ELOVL6: variants seen among roughly 807,000 people sequenced by gnomAD.
The protein encoded by ELOVL6 is ELOVL fatty acid elongase 6.
ELOVL6 carries 8 observed loss-of-function variants against 31.7 expected under a neutral mutation model. The observed-to-expected ratio is 0.25, with a 90% CI of 0.15 to 0.45. ELOVL6 has a LOEUF of 0.45. Ranked by LOEUF, ELOVL6 falls within the 20% of genes least tolerant of loss-of-function variation. The pLI, the probability that ELOVL6 is intolerant of heterozygous loss-of-function variation, is 1.00. For synonymous variants in ELOVL6, 101 were observed against 117.7 expected (o/e 0.86, Z 0.92); for missense variants, 126 against 326.4 (o/e 0.39, Z 4.73).
intron 1 of ELOVL6, among the ~76,000 whole-genome samples, chr4:110,154,941 A>G (rs1758373714): frequency 6.6e-6 from 1 of 152,200 alleles, no homozygotes; most frequent in Admixed American, 6.5e-5. Context: ...TACTTTTTTG[A>G]CAGTTATCAA....
chr4:110,067,777 T>C (rs1217440282), intron 2 of ELOVL6, among the ~76,000 whole-genome samples: 1 of 152,254 alleles, frequency 6.6e-6, no homozygotes, highest in East Asian at 1.9e-4. Context: ...GTTATGCGTC[T>C]ATGTGATTAT....
At chr4:110,180,395 T>C (rs546721489) in intron 1 of ELOVL6, among the ~76,000 whole-genome samples, 24 of 152,154 alleles carry the variant, frequency 1.6e-4, no homozygotes, top group South Asian at 6.2e-4. Context: ...TGTATGTATT[T>C]ATAGGAACAG....
At chr4:110,119,769 T>C (rs776962113) in intron 1 of ELOVL6, among the ~76,000 whole-genome samples, 9 of 152,132 alleles carry the variant, frequency 5.9e-5, no homozygotes, top group Non-Finnish European at 1.2e-4. Context: ...TCAAGATCCC[T>C]CAGAAAACAA....
intron 1 of ELOVL6, among the ~76,000 whole-genome samples, chr4:110,164,796 G>T (rs1758725406): frequency 1.3e-5 from 2 of 150,706 alleles, no homozygotes; most frequent in Admixed American, 6.6e-5. Flanking sequence ...CAGGTGGGTT[G>T]GTAGGCTGCT....
intron 1 of ELOVL6, among the ~76,000 whole-genome samples, chr4:110,189,765 G>C (rs957046814): frequency 2.0e-5 from 3 of 151,812 alleles, no homozygotes; most frequent in Non-Finnish European, 2.9e-5. Flanking sequence ...TCAGGAGATC[G>C]AGACCATCCT....
At chr4:110,175,346 C>T (rs1759071689) in intron 1 of ELOVL6, among the ~76,000 whole-genome samples, 1 of 151,910 alleles carries the variant, frequency 6.6e-6, no homozygotes, top group Admixed American at 6.6e-5. Context: ...TGCGCTACTG[C>T]ACTCCAGCCT....
upstream of ELOVL6, chr4:110,199,072 G>A (rs1267673893): frequency 1.4e-4 from 6 of 42,212 alleles, no homozygotes; most frequent in Non-Finnish European, 2.8e-4. Flanking sequence ...ACCCCCACCC[G>A]GGAGCTCTGG....
At chr4:110,154,877 G>A (rs1758370999) in intron 1 of ELOVL6, among the ~76,000 whole-genome samples, 2 of 152,206 alleles carry the variant, frequency 1.3e-5, no homozygotes, top group South Asian at 4.1e-4. Context: ...GGTCAAAAAT[G>A]TGCTAGAGGT....
At chr4:110,105,349 G>T in intron 2 of ELOVL6, 148 bp downstream of exon 2, 1 of 804,858 alleles carries the variant, frequency 1.2e-6, no homozygotes, top group Non-Finnish European at 1.9e-6. Flanking sequence ...GGCAGTGAAG[G>T]CTTTCTTTCT....
chr4:110,077,186 C>A (rs1426039513), intron 2 of ELOVL6, among the ~76,000 whole-genome samples: 1 of 152,216 alleles, frequency 6.6e-6, no homozygotes, highest in Non-Finnish European at 1.5e-5. Context: ...AAACAAAAGG[C>A]AGCAGAATCC....
chr4:110,078,593 T>A (rs889168065), intron 2 of ELOVL6, among the ~76,000 whole-genome samples: 6 of 152,156 alleles, frequency 3.9e-5, no homozygotes, highest in African/African-American at 1.4e-4. Flanking sequence ...AAGGAAGCAC[T>A]AAACATGGAA....
At chr4:110,090,486 G>A (rs1420499848) in intron 2 of ELOVL6, among the ~76,000 whole-genome samples, 2 of 151,958 alleles carry the variant, frequency 1.3e-5, no homozygotes, top group Non-Finnish European at 2.9e-5. Flanking sequence ...CTTGAGATGT[G>A]ACTCACACTT....
At chr4:110,108,570 T>C (rs539751205) in intron 1 of ELOVL6, among the ~76,000 whole-genome samples, 7 of 152,294 alleles carry the variant, frequency 4.6e-5, no homozygotes, top group South Asian at 4.1e-4. Flanking sequence ...AACTTGATAA[T>C]TGCAAGCAAG....
At chr4:110,170,363 C>A (rs567004077) in intron 1 of ELOVL6, among the ~76,000 whole-genome samples, 126 of 152,304 alleles carry the variant, frequency 8.3e-4, no homozygotes, top group African/African-American at 2.9e-3. Flanking sequence ...ACAGCTGATC[C>A]TCATTACTAA....
At chr4:110,133,352 C>T (rs1169776023) in intron 1 of ELOVL6, among the ~76,000 whole-genome samples, 1 of 152,184 alleles carries the variant, frequency 6.6e-6, no homozygotes, top group African/African-American at 2.4e-5. Flanking sequence ...AGGTGTTAGG[C>T]AAATAAACCT....
intron 2 of ELOVL6, among the ~76,000 whole-genome samples, chr4:110,084,066 CAT>C (rs1423468788): frequency 0.059 from 2,870 of 48,546 alleles, 191 homozygotes; most frequent in Non-Finnish European, 0.089. Flanking sequence ...TGATATATAA[CAT>C]ATATATGCTA....
chr4:110,184,420 A>T (rs1157755537), intron 1 of ELOVL6, among the ~76,000 whole-genome samples: 4 of 152,232 alleles, frequency 2.6e-5, no homozygotes, highest in African/African-American at 7.2e-5. Flanking sequence ...GGGTGGAGAG[A>T]AGAAGGCTTT....
intron 1 of ELOVL6, among the ~76,000 whole-genome samples, chr4:110,167,066 C>G (rs1288729007): frequency 2.0e-5 from 3 of 152,162 alleles, no homozygotes; most frequent in Non-Finnish European, 4.4e-5. Flanking sequence ...GTCAGGCACA[C>G]TCTCATCATT....
At chr4:110,103,740 G>C (rs1756814248) in intron 2 of ELOVL6, among the ~76,000 whole-genome samples, 1 of 151,670 alleles carries the variant, frequency 6.6e-6, no homozygotes, top group African/African-American at 2.4e-5. Flanking sequence ...TGAATCATAA[G>C]GAAAAAGAGG....
Sources: gnomAD v4.1 joint callset for allele counts (sites outside exome capture counted in the v4.1 genomes callset) on GRCh38, gnomAD v4.1.1 for gene constraint, MANE v1.5 for transcripts, NCBI Gene and HGNC (gene_info 2026-07-23, HGNC 2026-07-21) for gene names.